Variants in NTM observed in about 807,000 individuals in gnomAD.
The protein encoded by NTM is IgLON family member 2.
NTM carries 13 observed loss-of-function variants against 42.1 expected under a neutral mutation model. That is an observed-to-expected ratio of 0.31 (90% CI 0.20 to 0.49). NTM has a LOEUF of 0.49. Ranked by LOEUF, NTM falls within the 20% of genes least tolerant of loss-of-function variation. The pLI, the probability that NTM is intolerant of heterozygous loss-of-function variation, is 0.99. For missense variants in NTM, 373 were observed against 452.8 expected, an observed-to-expected ratio of 0.82 and a Z score of 1.60; for synonymous variants, 187 against 179.2, an observed-to-expected ratio of 1.04 and a Z score of -0.35.
intron 4 of NTM, among the ~76,000 whole-genome samples, chr11:132,268,817 A>T (rs910487531): frequency 6.6e-6 from 1 of 152,066 alleles, no homozygotes; most frequent in African/African-American, 2.4e-5. Flanking sequence ...GAGAATAGTA[A>T]CATTGTCTAC....
intron 1 of NTM, among the ~76,000 whole-genome samples, chr11:131,701,479 G>A (rs1200384657): frequency 1.3e-5 from 2 of 152,176 alleles, no homozygotes; most frequent in Non-Finnish European, 2.9e-5. Flanking sequence ...TGGGCAAAAA[G>A]AAGGGAGCCA....
chr11:131,510,762 T>C (rs422756), intron 1 of NTM, among the ~76,000 whole-genome samples: 23,888 of 152,230 alleles, frequency 0.16, 2,025 homozygotes, highest in Middle Eastern at 0.22. Context: ...TTTCCCCAGT[T>C]TTGCAGTCAA....
chr11:132,171,983 T>A (rs57465923), intron 3 of NTM, among the ~76,000 whole-genome samples: 92 of 152,340 alleles, frequency 6.0e-4, no homozygotes, highest in African/African-American at 2.1e-3. Context: ...TCATTTCCCA[T>A]GTGGCCTTGG....
intron 4 of NTM, among the ~76,000 whole-genome samples, chr11:132,297,450 A>G (rs950252003): frequency 3.9e-5 from 6 of 152,212 alleles, no homozygotes; most frequent in African/African-American, 1.4e-4. Flanking sequence ...TTCATCAGCC[A>G]GTGGGCATGG....
chr11:131,944,095 G>A (rs528369664), intron 2 of NTM, among the ~76,000 whole-genome samples: 2 of 152,090 alleles, frequency 1.3e-5, no homozygotes, highest in African/African-American at 4.8e-5. Context: ...AAAACGGCTA[G>A]TAATTTGAAG....
At chr11:132,321,443 T>C (rs1254675964) in intron 7 of NTM, among the ~76,000 whole-genome samples, 1 of 151,468 alleles carries the variant, frequency 6.6e-6, no homozygotes, top group Non-Finnish European at 1.5e-5. Flanking sequence ...GAAGATGAAA[T>C]GAATGAAATG....
chr11:131,612,107 A>G (rs1246527173), intron 1 of NTM, among the ~76,000 whole-genome samples: 1 of 152,192 alleles, frequency 6.6e-6, no homozygotes, highest in Admixed American at 6.5e-5. Flanking sequence ...TCCTAAGGAC[A>G]TTTGAGCAGC....
At chr11:132,121,589 G>T (rs918433217) in intron 2 of NTM, among the ~76,000 whole-genome samples, 7 of 152,100 alleles carry the variant, frequency 4.6e-5, no homozygotes, top group Non-Finnish European at 8.8e-5. Context: ...TTTGACCTAA[G>T]AAATCCTCTC....
intron 1 of NTM, among the ~76,000 whole-genome samples, chr11:131,652,427 C>T (rs1534855): frequency 0.18 from 26,717 of 152,158 alleles, 2,592 homozygotes; most frequent in South Asian, 0.23. Context: ...GCCTTGTTCC[C>T]TTGGCCTGGG....
intron 4 of NTM, among the ~76,000 whole-genome samples, chr11:132,249,131 A>C (rs1021982082): frequency 6.6e-6 from 1 of 152,196 alleles, no homozygotes; most frequent in Non-Finnish European, 1.5e-5. Flanking sequence ...TTTCTCTCCA[A>C]GCTCTCTCCA....
chr11:131,902,306 C>A (rs2053288749), intron 1 of NTM, among the ~76,000 whole-genome samples: 1 of 152,178 alleles, frequency 6.6e-6, no homozygotes, highest in South Asian at 2.1e-4. Flanking sequence ...CACAAACAAA[C>A]AGTTGAGAGT....
chr11:131,956,113 C>G lies in NTM; in HGVS notation c.167+44465C>G, dbSNP rs1172510545. Among the ~76,000 whole-genome samples the G allele has an allele frequency of 2.6e-5, 4 of 152,154 alleles. No homozygotes were observed. In the East Asian group the frequency reaches 5.8e-4, roughly 22 times the overall value. On this transcript the variant is annotated intron_variant, in intron 2 of 8. Transcript: ENST00000683400. ...CATTGATTTTCTTTAGGACAAACCT[C>G]TCTGCAAATGCCACAGATTTACATT...
intron 1 of NTM, among the ~76,000 whole-genome samples, chr11:131,576,140 T>C (rs961166058): frequency 6.6e-6 from 1 of 151,998 alleles, no homozygotes; most frequent in Non-Finnish European, 1.5e-5. Context: ...TCCTACCAAT[T>C]AGAGAAGGGA....
At chr11:132,153,690 G>A (rs1042285644) in intron 3 of NTM, among the ~76,000 whole-genome samples, 6 of 152,116 alleles carry the variant, frequency 3.9e-5, no homozygotes, top group African/African-American at 1.4e-4. Context: ...AAAGGTTTCC[G>A]TCCATCTGTT....
chr11:132,158,340 T>C (rs917772885), intron 3 of NTM, among the ~76,000 whole-genome samples: 2 of 152,236 alleles, frequency 1.3e-5, no homozygotes, highest in African/African-American at 2.4e-5. Flanking sequence ...TTCTTAGATC[T>C]CTGTTCAAGG....
At chr11:131,648,460 C>T (rs2066045234) in intron 1 of NTM, among the ~76,000 whole-genome samples, 2 of 152,130 alleles carry the variant, frequency 1.3e-5, no homozygotes, top group African/African-American at 4.8e-5. Context: ...TTTACACTCC[C>T]ACCAATAGTG....
intron 1 of NTM, among the ~76,000 whole-genome samples, chr11:131,470,395 T>G (rs1952323001): frequency 6.6e-6 from 1 of 152,222 alleles, no homozygotes; most frequent in African/African-American, 2.4e-5. Flanking sequence ...GGGCAAAGCA[T>G]TCTGGCTGTA....
intron 1 of NTM, among the ~76,000 whole-genome samples, chr11:131,837,145 A>T (rs1265105128): frequency 6.6e-6 from 1 of 152,156 alleles, no homozygotes; most frequent in African/African-American, 2.4e-5. Context: ...TGGGGAGGGA[A>T]TAGATATATT....
chr11:131,603,054 C>T lies in NTM; in HGVS notation c.82+232166C>T, dbSNP rs187768256. Among the ~76,000 whole-genome samples, 5 of 152,298 alleles carry T rather than the reference C, an allele frequency of 3.3e-5. No homozygotes were observed. The East Asian group carries it at 9.7e-4, about 29-fold the overall frequency. On this transcript the variant is annotated intron_variant, in intron 1 of 8. Coordinates refer to ENST00000683400, the MANE Select transcript of NTM (RefSeq NM_001352005.2). The stretch of plus-strand genomic sequence containing the variant: ...CTCTTGATCTGGCTCAATTAATATT[C>T]CATACAGCAGCAATTGTGATAGTGT...
Sources: gnomAD v4.1 joint callset for allele counts (sites outside exome capture counted in the v4.1 genomes callset) on GRCh38, gnomAD v4.1.1 for gene constraint, MANE v1.5 for transcripts, NCBI Gene and HGNC (gene_info 2026-07-23, HGNC 2026-07-21) for gene names.